Variants in GABPA observed in about 807,000 individuals in gnomAD.
GABPA encodes the protein GA binding protein transcription factor subunit alpha.
In GABPA, 4 loss-of-function variants were observed where a neutral mutation model predicts 59.4. That is an observed-to-expected ratio of 0.07 (90% CI 0.03 to 0.15). GABPA has a LOEUF of 0.15. Among genes scored for constraint, GABPA ranks in the 10% least tolerant of loss-of-function variants. The pLI, the probability that GABPA is intolerant of heterozygous loss-of-function variation, is 1.00. For missense variants in GABPA, 251 were observed against 543.8 expected, an observed-to-expected ratio of 0.46 and a Z score of 5.36; for synonymous variants, 164 against 183.1, an observed-to-expected ratio of 0.90 and a Z score of 0.84.
chr21:25,753,922 T>C (rs971520032), intron 5 of GABPA, among the ~76,000 whole-genome samples: 3 of 152,192 alleles, frequency 2.0e-5, no homozygotes, highest in African/African-American at 7.2e-5. Flanking sequence ...GGACATTTTT[T>C]TTCTTTCTTT....
At chr21:25,759,236 C>A (rs1259935641) in intron 6 of GABPA, among the ~76,000 whole-genome samples, 1 of 152,200 alleles carries the variant, frequency 6.6e-6, no homozygotes, top group Non-Finnish European at 1.5e-5. Context: ...GAAATGCTAG[C>A]CAGACCCACA....
intron 9 of GABPA, among the ~76,000 whole-genome samples, chr21:25,767,346 A>G (rs1295226658): frequency 2.6e-5 from 4 of 151,988 alleles, no homozygotes; most frequent in African/African-American, 9.7e-5. Context: ...TTGCAATTAA[A>G]AAGTTTAAAA....
At chr21:25,755,840 A>G (rs2035624059) in intron 5 of GABPA, among the ~76,000 whole-genome samples, 1 of 152,156 alleles carries the variant, frequency 6.6e-6, no homozygotes, top group Non-Finnish European at 1.5e-5. Context: ...GCCTCTTGCT[A>G]CTCAGAACCA....
At chr21:25,758,949 A>G (rs771563278) in intron 6 of GABPA, among the ~76,000 whole-genome samples, 3 of 152,130 alleles carry the variant, frequency 2.0e-5, no homozygotes, top group Non-Finnish European at 4.4e-5. Context: ...GCGTGTCTGT[A>G]GTCCTACCTA....
chr21:25,759,885 G>GT (rs1160879730), intron 6 of GABPA, among the ~76,000 whole-genome samples: 1 of 152,120 alleles, frequency 6.6e-6, no homozygotes, highest in East Asian at 1.9e-4. Flanking sequence ...CCAAATCCAC[G>GT]TTTTTTCCAG....
At chr21:25,739,679 G>C (rs1349423509) in intron 1 of GABPA, among the ~76,000 whole-genome samples, 1 of 152,158 alleles carries the variant, frequency 6.6e-6, no homozygotes, top group African/African-American at 2.4e-5. Context: ...GCAGTGGCAC[G>C]ATCATCATTG....
intron 5 of GABPA, among the ~76,000 whole-genome samples, chr21:25,755,431 C>CT (rs1486133122): frequency 3.6e-5 from 3 of 82,898 alleles, no homozygotes; most frequent in Admixed American, 1.4e-4. Context: ...GCAAGACTGT[C>CT]TAAAAAAAAA....
intron 4 of GABPA, 28 bp from the exon 5 acceptor site, chr21:25,751,961 T>G: frequency 6.2e-7 from 1 of 1,602,672 alleles, no homozygotes; most frequent in Non-Finnish European, 8.5e-7. Flanking sequence ...TCATTTAGAT[T>G]TACAATTTTT....
chr21:25,762,966 A>C, intron 7 of GABPA: 1 of 378,458 alleles, frequency 2.6e-6, no homozygotes, highest in South Asian at 2.6e-5. Flanking sequence ...CGCCGCCTCC[A>C]CTACTTTTGC....
At chr21:25,762,994 T>C in intron 7 of GABPA, 1 of 387,512 alleles carries the variant, frequency 2.6e-6, no homozygotes. Flanking sequence ...TTCCCCTTTC[T>C]TTTCTCTCGC....
At chr21:25,762,551 GATTAAC>G (rs1317905628) in intron 7 of GABPA, among the ~76,000 whole-genome samples, 186 bp downstream of exon 7, 2 of 152,080 alleles carry the variant, frequency 1.3e-5, no homozygotes, top group Admixed American at 1.3e-4. Context: ...TAAATGATAC[GATTAAC>G]ATAACAGCTT....
chr21:25,738,648 T>G (rs1391768222), intron 1 of GABPA, among the ~76,000 whole-genome samples: 1 of 152,198 alleles, frequency 6.6e-6, no homozygotes, highest in Non-Finnish European at 1.5e-5. Flanking sequence ...GCATGTGTAG[T>G]TCATTTTATA....
chr21:25,747,252 C>T (rs1244279578), intron 3 of GABPA, among the ~76,000 whole-genome samples: 1 of 152,114 alleles, frequency 6.6e-6, no homozygotes, highest in Non-Finnish European at 1.5e-5. Context: ...CTGGACTTTG[C>T]CTGGTTTTGC....
intron 4 of GABPA, among the ~76,000 whole-genome samples, chr21:25,750,386 T>C (rs554795402): frequency 2.2e-3 from 328 of 152,306 alleles, no homozygotes; most frequent in Non-Finnish European, 2.5e-3. Flanking sequence ...CTTTTCCAAA[T>C]AGAAGGCTTA....
rs773825825 is a variant in GABPA at position 25,752,124 on chromosome 21, G to A, written c.443G>A (p.Gly148Asp). The stretch of plus-strand genomic sequence containing the variant: ...GAAGCTCAAGTGATAACTCTTGATG[G>A]CACAAAACACATCACAACCATTTCA... ...VEEAQVITLD[G>D]TKHITTISDE... The change falls in exon 5 of 10, where the codon GGC (glycine) becomes GAC (aspartate). Residue 148 changes from glycine to aspartate, a missense_variant. By Grantham distance (94) the Gly-to-Asp change is moderately conservative (BLOSUM62 -1). This residue lies in a region of GABPA where 207 missense variants were observed against 366.7 expected (regional missense o/e 0.56). Transcript: ENST00000400075. 6.8e-6 allele frequency: 11 copies of A among 1,609,592 alleles called. No individual in the cohort carries two copies. The highest frequency in any genetic ancestry group is 1.7e-4 in the Middle Eastern group (1 of 6,042).
chr21:25,752,144 A>G lies in GABPA; in HGVS notation c.463A>G (p.Ile155Val). 6.2e-7 allele frequency: 1 copy of G among 1,610,328 alleles called. No homozygotes were observed. The highest frequency in any genetic ancestry group is 8.5e-7 in the Non-Finnish European group (1 of 1,176,846). ...TGATGGCACAAAACACATCACAACC[A>G]TTTCAGATGAAACTTCAGAACAAGT... ...TLDGTKHITT[I>V]SDETSEQVTR... is the part of the protein sequence containing the mutation. The change falls in exon 5 of 10, where the codon ATT (isoleucine) becomes GTT (valine). Residue 155 changes from isoleucine (I) to valine (V), a missense_variant. Transcript: ENST00000400075.
chr21:25,757,769 A>G (rs1323819612), intron 5 of GABPA, among the ~76,000 whole-genome samples: 4 of 151,690 alleles, frequency 2.6e-5, no homozygotes, highest in Non-Finnish European at 5.9e-5. Context: ...ATACAGTTCC[A>G]GCTGAGGTTG....
chr21:25,735,779 G>C (rs1414523448), intron 1 of GABPA: 7 of 132,332 alleles, frequency 5.3e-5, no homozygotes, highest in African/African-American at 1.9e-4. Context: ...TGCGGGGAGC[G>C]AAGGGGAGGG....
chr21:25,742,955 A>T (rs770271428), intron 2 of GABPA, among the ~76,000 whole-genome samples: 3 of 151,562 alleles, frequency 2.0e-5, no homozygotes, highest in Non-Finnish European at 4.4e-5. Flanking sequence ...AAAGCCCAAC[A>T]TTTTTTATTG....
Sources: gnomAD v4.1 joint callset for allele counts (sites outside exome capture counted in the v4.1 genomes callset) on GRCh38, gnomAD v4.1.1 for gene constraint, gnomAD v4.1.1 regional missense constraint, MANE v1.5 for transcripts, NCBI Gene and HGNC (gene_info 2026-07-23, HGNC 2026-07-21) for gene names.